SOX6: variants seen among roughly 807,000 people sequenced by gnomAD.
SOX6 encodes transcription factor SOX-6.
In SOX6, 11 loss-of-function variants were observed where a neutral mutation model predicts 97.8. The ratio of observed to expected loss-of-function variants is 0.11; its 90% CI spans 0.07 to 0.19. The LOEUF (loss-of-function observed/expected upper bound fraction) is 0.19. Ranked by LOEUF, SOX6 falls within the 10% of genes least tolerant of loss-of-function variation. SOX6 has a pLI of 1.00. For synonymous variants in SOX6, 360 were observed against 371.4 expected (o/e 0.97, Z 0.35); for missense variants, 810 against 1,039.5 (o/e 0.78, Z 3.04).
At chr11:16,352,096 G>A (rs1856961482) in intron 1 of SOX6, among the ~76,000 whole-genome samples, 1 of 151,790 alleles carries the variant, frequency 6.6e-6, no homozygotes, top group South Asian at 2.1e-4. Flanking sequence ...GGTTTCTGGG[G>A]GTGTCTCCTC....
intron 3 of SOX6, among the ~76,000 whole-genome samples, chr11:16,650,576 A>G (rs999630262): frequency 9.9e-5 from 15 of 152,106 alleles, no homozygotes; most frequent in African/African-American, 3.6e-4. Context: ...CTTTGAGCTG[A>G]ATGGTAATAG....
At chr11:16,668,860 G>A (rs1413694467) in intron 3 of SOX6, among the ~76,000 whole-genome samples, 1 of 152,148 alleles carries the variant, frequency 6.6e-6, no homozygotes, top group African/African-American at 2.4e-5. Flanking sequence ...AAATATATAT[G>A]CACCAAACAC....
At chr11:16,227,799 C>T (rs1415412189) in intron 4 of SOX6, among the ~76,000 whole-genome samples, 6 of 152,176 alleles carry the variant, frequency 3.9e-5, no homozygotes, top group African/African-American at 1.4e-4. Flanking sequence ...ATGTATTAGG[C>T]CAAACTTCCC....
intron 13 of SOX6, among the ~76,000 whole-genome samples, chr11:16,010,125 TACACACACACACACACACACACAC>T (rs67556517): frequency 1.5e-5 from 2 of 135,498 alleles, no homozygotes; most frequent in South Asian, 2.5e-4. Flanking sequence ...CAGTTGGAGC[TACACACACACACACACACACACAC>T]ACACACACAC....
intron 4 of SOX6, among the ~76,000 whole-genome samples, chr11:16,604,380 G>C (rs1018842837): frequency 6.6e-6 from 1 of 152,204 alleles, no homozygotes; most frequent in African/African-American, 2.4e-5. Context: ...GGGACCCGGG[G>C]AAAAACCTGG....
chr11:16,709,853 AAAG>A (rs1007777971), intron 3 of SOX6, among the ~76,000 whole-genome samples: 14 of 152,220 alleles, frequency 9.2e-5, no homozygotes, highest in African/African-American at 2.4e-4. Context: ...AATGGTGCAG[AAAG>A]AAGAATGCAC....
chr11:16,400,089 A>C (rs1001109717), intron 1 of SOX6, among the ~76,000 whole-genome samples: 2 of 151,580 alleles, frequency 1.3e-5, no homozygotes, highest in Non-Finnish European at 3.0e-5. Flanking sequence ...ATTGTTGAAC[A>C]TGTTTAATGG....
chr11:16,489,609 C>T (rs1590221262), intron 4 of SOX6, among the ~76,000 whole-genome samples: 1 of 152,094 alleles, frequency 6.6e-6, no homozygotes, highest in Admixed American at 6.6e-5. Flanking sequence ...TGATAAATAA[C>T]TTCAATTTCC....
chr11:16,631,273 G>A (rs980995263), intron 3 of SOX6, among the ~76,000 whole-genome samples: 33 of 151,188 alleles, frequency 2.2e-4, no homozygotes, highest in African/African-American at 8.0e-4. Flanking sequence ...CGTAAGGTTG[G>A]TCTAATGATA....
intron 3 of SOX6, among the ~76,000 whole-genome samples, chr11:16,624,618 T>C (rs1848597370): frequency 6.6e-6 from 1 of 152,224 alleles, no homozygotes. Context: ...AATGTTTTTG[T>C]AAACATGTTT....
At chr11:16,624,292 A>G (rs1848592261) in intron 3 of SOX6, among the ~76,000 whole-genome samples, 1 of 151,818 alleles carries the variant, frequency 6.6e-6, no homozygotes, top group South Asian at 2.1e-4. Flanking sequence ...GGTTTGAACG[A>G]TTCTCCTGCC....
At chr11:16,463,872 A>C (rs1044242549) in intron 1 of SOX6, among the ~76,000 whole-genome samples, 15 of 152,218 alleles carry the variant, frequency 9.9e-5, no homozygotes, top group African/African-American at 3.6e-4. Context: ...GATAATTTAT[A>C]AACTTTACCT....
intron 3 of SOX6, among the ~76,000 whole-genome samples, chr11:16,287,509 T>C (rs1248895252): frequency 6.6e-6 from 1 of 152,072 alleles, no homozygotes; most frequent in Non-Finnish European, 1.5e-5. Flanking sequence ...CTTACCATGT[T>C]GAACGGAAAC....
At chr11:16,640,746 C>T (rs1336094819) in intron 3 of SOX6, among the ~76,000 whole-genome samples, 1 of 152,022 alleles carries the variant, frequency 6.6e-6, no homozygotes, top group African/African-American at 2.4e-5. Context: ...TCTGTGGGAT[C>T]GGTGGTGATA....
chr11:16,661,717 T>A (rs2134019410), intron 3 of SOX6, among the ~76,000 whole-genome samples: 1 of 152,202 alleles, frequency 6.6e-6, no homozygotes, highest in East Asian at 1.9e-4. Flanking sequence ...GCAGCTAATT[T>A]TTTTTACTTT....
At chr11:16,040,417 T>C (rs1855630607) in intron 12 of SOX6, among the ~76,000 whole-genome samples, 1 of 152,054 alleles carries the variant, frequency 6.6e-6, no homozygotes. Flanking sequence ...GCCAGGAGCC[T>C]ACATACAGAA....
At chr11:16,065,796 A>G (rs756977869) in intron 9 of SOX6, among the ~76,000 whole-genome samples, 1 of 152,176 alleles carries the variant, frequency 6.6e-6, no homozygotes, top group Non-Finnish European at 1.5e-5. Flanking sequence ...ACAAGACCTC[A>G]ATGTATGAAA....
At chr11:16,070,778 G>A (rs534323008) in intron 9 of SOX6, among the ~76,000 whole-genome samples, 23 of 151,876 alleles carry the variant, frequency 1.5e-4, no homozygotes, top group Non-Finnish European at 2.6e-4. Context: ...GCCCCCTGGC[G>A]GGGGGGCACA....
chr11:16,465,270 A>G (rs1860007994), intron 1 of SOX6, among the ~76,000 whole-genome samples: 1 of 152,212 alleles, frequency 6.6e-6, no homozygotes. Flanking sequence ...CACAAAGTCA[A>G]CATAAACAGT....
Sources: allele counts gnomAD v4.1 joint callset (sites outside exome capture counted in the v4.1 genomes callset), GRCh38; gene constraint gnomAD v4.1.1; transcripts MANE v1.5; gene names NCBI Gene and HGNC (gene_info 2026-07-23, HGNC 2026-07-21).